SESTD1: variants seen among roughly 807,000 people sequenced by gnomAD.
SESTD1 encodes SEC14 domain and spectrin repeat-containing protein 1.
In SESTD1, 43 loss-of-function variants were observed where a neutral mutation model predicts 101.7. That is an observed-to-expected ratio of 0.42 (90% CI 0.33 to 0.55). The LOEUF (loss-of-function observed/expected upper bound fraction) is 0.55, where lower values mean the gene tolerates loss of function less well. SESTD1 is among the 20% of genes least tolerant of loss of function. The pLI, the probability that SESTD1 is intolerant of heterozygous loss-of-function variation, is 0.07. For synonymous variants in SESTD1, 283 were observed against 286.8 expected, an observed-to-expected ratio of 0.99 and a Z score of 0.13; for missense variants, 647 against 815.1, an observed-to-expected ratio of 0.79 and a Z score of 2.51.
intron 1 of SESTD1, among the ~76,000 whole-genome samples, chr2:179,199,669 G>C (rs2046471292): frequency 6.6e-6 from 1 of 152,054 alleles, no homozygotes; most frequent in African/African-American, 2.4e-5. Flanking sequence ...ATCAATAAAT[G>C]TAATCCAGCA....
chr2:179,233,640 GA>G (rs1559154863), intron 1 of SESTD1, among the ~76,000 whole-genome samples: 1 of 152,120 alleles, frequency 6.6e-6, no homozygotes, highest in African/African-American at 2.4e-5. Flanking sequence ...TTTTAGTAGA[GA>G]CAGGGTTTCA....
intron 5 of SESTD1, among the ~76,000 whole-genome samples, chr2:179,163,353 T>A (rs1174609643): frequency 6.6e-6 from 1 of 152,166 alleles, no homozygotes; most frequent in Admixed American, 6.5e-5. Flanking sequence ...CTGACTTTCA[T>A]CAACTATTTT....
chr2:179,168,831 C>A (rs1305285514), intron 5 of SESTD1, among the ~76,000 whole-genome samples: 1 of 152,090 alleles, frequency 6.6e-6, no homozygotes, highest in Non-Finnish European at 1.5e-5. Flanking sequence ...GTTTATAGCA[C>A]AGTAAAAGTG....
chr2:179,179,613 A>G (rs2046072773), intron 3 of SESTD1, among the ~76,000 whole-genome samples: 2 of 152,232 alleles, frequency 1.3e-5, no homozygotes, highest in Admixed American at 1.3e-4. Context: ...TCATTAGATA[A>G]TATGCTTCCA....
chr2:179,137,708 C>T lies in SESTD1; in HGVS notation c.850-5282G>A, dbSNP rs151223289. 3.3e-3 allele frequency among the ~76,000 whole-genome samples: 506 copies of T among 152,220 alleles called. 5 individuals are homozygous for T. Among genetic ancestry groups the T allele is most frequent in the African/African-American group, 0.011 (446 of 41,524 alleles). On this transcript the variant is annotated intron_variant, in intron 9 of 17. Transcript: ENST00000428443. ...ACCAATTTGAACTGTGGGGGAATCACGGATAAATATCATGGTTATTACTTA... is the reference window on the plus strand; with the variant it reads ...ACCAATTTGAACTGTGGGGGAATCATGGATAAATATCATGGTTATTACTTA...
intron 5 of SESTD1, among the ~76,000 whole-genome samples, chr2:179,162,822 T>TA (rs33960106): frequency 0.054 from 7,352 of 136,962 alleles, 252 homozygotes; most frequent in Middle Eastern, 0.12. Flanking sequence ...TCGTCTCTAG[T>TA]AAAAAAAAAA....
intron 13 of SESTD1, among the ~76,000 whole-genome samples, chr2:179,119,146 G>C (rs556530343): frequency 2.6e-5 from 4 of 152,296 alleles, no homozygotes; most frequent in Middle Eastern, 3.4e-3. Context: ...AGTCACTGAA[G>C]GAAGTTTTAC....
intron 1 of SESTD1, among the ~76,000 whole-genome samples, chr2:179,230,111 C>CTTTT (rs1559153333): frequency 2.5e-5 from 2 of 80,358 alleles, no homozygotes; most frequent in Admixed American, 2.0e-4. Flanking sequence ...TGGATTGTAT[C>CTTTT]TCTTTTTTTT....
intron 13 of SESTD1, among the ~76,000 whole-genome samples, chr2:179,119,649 G>A (rs2044705411): frequency 1.3e-5 from 2 of 152,184 alleles, no homozygotes; most frequent in Non-Finnish European, 2.9e-5. Flanking sequence ...ATAGCAGCGT[G>A]AGAATGGACT....
rs77887654 is a variant in SESTD1, at chr2:179,180,399, T to A, written c.164+2681A>T. Reference sequence around the variant, plus strand: ...CCTTAGCTAGCTACACTGCTGGAGATGTTGGCAGATGTTCACAGCTGGAAG... The same window carrying A: ...CCTTAGCTAGCTACACTGCTGGAGAAGTTGGCAGATGTTCACAGCTGGAAG... On this transcript the variant is annotated intron_variant, in intron 3 of 17. Coordinates refer to ENST00000428443, the MANE Select transcript of SESTD1 (RefSeq NM_178123.5). 3.7e-3 allele frequency among the ~76,000 whole-genome samples: 568 copies of A among 152,236 alleles called. 6 individuals carry two copies. The highest frequency in any genetic ancestry group is 0.013 in the African/African-American group (535 of 41,550).
chr2:179,209,390 G>C (rs1191045448), intron 1 of SESTD1, among the ~76,000 whole-genome samples: 1 of 134,488 alleles, frequency 7.4e-6, no homozygotes, highest in Non-Finnish European at 1.6e-5. Context: ...GATATTTACA[G>C]AACATTCTAC....
At chr2:179,191,738 T>C (rs201260478) in intron 2 of SESTD1, 49 bp downstream of exon 2, 7 of 1,467,860 alleles carry the variant, frequency 4.8e-6, no homozygotes, top group African/African-American at 2.8e-5. Context: ...GAAGAAACTA[T>C]TAAAAAGTTT....
intron 3 of SESTD1, among the ~76,000 whole-genome samples, chr2:179,176,931 TA>T (rs1266360344): frequency 1.3e-5 from 2 of 152,234 alleles, no homozygotes; most frequent in East Asian, 1.9e-4. Context: ...TTGTCTCACC[TA>T]CCTGCCAGAA....
Position 179,227,627 on chromosome 2 carries a change from T to C in SESTD1, c.-25-35761A>G, listed in dbSNP as rs371058643. Among the ~76,000 whole-genome samples, 5 of 152,210 alleles carry C rather than the reference T, an allele frequency of 3.3e-5. No homozygotes were observed. The East Asian group carries it at 7.7e-4, about 23-fold the overall frequency. ...ACGGAACTATGATAATTGTTTCCTT[T>C]ACAAAAAATGATTTAAGGTTAAAAG... On this transcript the variant is annotated intron_variant, in intron 1 of 17. Transcript: ENST00000428443.
chr2:179,172,098 T>A (rs1053272132), intron 5 of SESTD1, 22 bp downstream of exon 5: 4 of 1,455,242 alleles, frequency 2.7e-6, no homozygotes, highest in African/African-American at 1.4e-5. Flanking sequence ...TAATGGACTT[T>A]AAAAAAAGAG....
intron 1 of SESTD1, among the ~76,000 whole-genome samples, chr2:179,245,610 C>T (rs1456524015): frequency 6.7e-6 from 1 of 150,112 alleles, no homozygotes; most frequent in South Asian, 2.1e-4. Flanking sequence ...GGGAGGATCA[C>T]TCAAGCCCAG....
rs1470280732 is a variant in SESTD1 at position 179,201,314 on chromosome 2, C to T, written c.-25-9448G>A. ...ATGTGGAGAAATAGGAACACTTTTA[C>T]ACTGTTGGTGGGACTGTGAACTAGT... is the stretch of plus-strand genomic sequence containing the variant. On this transcript the variant is annotated intron_variant, in intron 1 of 17. Coordinates refer to ENST00000428443, the MANE Select transcript of SESTD1 (RefSeq NM_178123.5). Among the ~76,000 whole-genome samples the T allele has an allele frequency of 1.1e-4, 14 of 127,936 alleles. 2 individuals carry two copies. Among genetic ancestry groups the T allele is most frequent in the African/African-American group, 4.8e-4 (14 of 29,266 alleles). The allele number at this position is 127,936 out of a possible 152,430, so 83.9% of individuals were successfully genotyped here. A position where few individuals can be genotyped will look rare whatever the true frequency, so the allele number is the denominator to read the frequency against.
chr2:179,232,817 T>A (rs1217766692), intron 1 of SESTD1, among the ~76,000 whole-genome samples: 4 of 152,222 alleles, frequency 2.6e-5, no homozygotes, highest in African/African-American at 9.6e-5. Flanking sequence ...TATACATTTA[T>A]CTGTCCATTT....
chr2:179,155,079 AT>A (rs971976945), intron 5 of SESTD1, among the ~76,000 whole-genome samples: 3 of 150,172 alleles, frequency 2.0e-5, no homozygotes, highest in Admixed American at 6.6e-5. Context: ...TGCTCGGCTC[AT>A]TTTTTTTTGT....
Sources: gnomAD v4.1 joint callset for allele counts (sites outside exome capture counted in the v4.1 genomes callset) on GRCh38, gnomAD v4.1.1 for gene constraint, MANE v1.5 for transcripts, NCBI Gene and HGNC (gene_info 2026-07-23, HGNC 2026-07-21) for gene names.